Variants in B4GALT1 observed in about 807,000 individuals in gnomAD.
B4GALT1 encodes the protein beta-1,4-galactosyltransferase 1.
B4GALT1 carries 16 observed loss-of-function variants against 34.9 expected under a neutral mutation model. The ratio of observed to expected loss-of-function variants is 0.46; its 90% CI spans 0.31 to 0.70. The LOEUF (loss-of-function observed/expected upper bound fraction) is 0.70. B4GALT1 is among the 30% of genes least tolerant of loss of function. The probability of loss-of-function intolerance (pLI) is 0.05; values close to 1 mark genes in which losing one functional copy is unlikely to be tolerated. For synonymous variants in B4GALT1, 221 were observed against 218.1 expected, an observed-to-expected ratio of 1.01 and a Z score of -0.12; for missense variants, 445 against 530.5, an observed-to-expected ratio of 0.84 and a Z score of 1.58.
At chr9:33,127,516 A>G (rs1306845342) in intron 2 of B4GALT1, among the ~76,000 whole-genome samples, 1 of 152,254 alleles carries the variant, frequency 6.6e-6, no homozygotes, top group Non-Finnish European at 1.5e-5. Context: ...CCATAATCCC[A>G]CATCTGAAAA....
chr9:33,182,135 C>A, the B4GALT1 span, among the ~76,000 whole-genome samples: 3 of 152,126 alleles, frequency 2.0e-5, no homozygotes, highest in African/African-American at 7.2e-5. Context: ...AGAAAGAATT[C>A]TTTCTTGCCT....
At chr9:33,174,990 A>AATAT in the B4GALT1 span, among the ~76,000 whole-genome samples, 21 of 4,836 alleles carry the variant, frequency 4.3e-3, 4 homozygotes, top group African/African-American at 9.6e-3. Flanking sequence ...AAAAAAAAAA[A>AATAT]ATATATATAT....
upstream of B4GALT1, among the ~76,000 whole-genome samples, chr9:33,171,581 A>C (rs1383623408): frequency 1.3e-5 from 2 of 151,830 alleles, no homozygotes; most frequent in Non-Finnish European, 2.9e-5. Context: ...TTTAGACAGG[A>C]TCTTCCTTTA....
chr9:33,148,151 G>C (rs1303396900), intron 1 of B4GALT1, among the ~76,000 whole-genome samples: 1 of 151,862 alleles, frequency 6.6e-6, no homozygotes, highest in Non-Finnish European at 1.5e-5. Context: ...ATATCTTCAA[G>C]AAAAATATAA....
intron 1 of B4GALT1, among the ~76,000 whole-genome samples, chr9:33,150,857 G>A (rs943570752): frequency 1.3e-5 from 2 of 152,090 alleles, no homozygotes; most frequent in African/African-American, 4.8e-5. Context: ...GATATACCTG[G>A]GAAATAGAAG....
intron 2 of B4GALT1, among the ~76,000 whole-genome samples, chr9:33,125,774 T>C (rs1372221536): frequency 6.6e-6 from 1 of 152,108 alleles, no homozygotes; most frequent in African/African-American, 2.4e-5. Flanking sequence ...GATGACCAAC[T>C]ACAGAAAGCC....
At chr9:33,115,542 T>C (rs771404194) in intron 4 of B4GALT1, among the ~76,000 whole-genome samples, 6 of 152,104 alleles carry the variant, frequency 3.9e-5, no homozygotes, top group Non-Finnish European at 8.8e-5. Context: ...TCCTCAAAGG[T>C]TTATTATACT....
chr9:33,149,870 C>T (rs948066818), intron 1 of B4GALT1, among the ~76,000 whole-genome samples: 3 of 152,090 alleles, frequency 2.0e-5, no homozygotes, highest in Admixed American at 1.3e-4. Context: ...GTCATGAAAT[C>T]CAAAGGGCTT....
downstream of B4GALT1, among the ~76,000 whole-genome samples, chr9:33,107,043 A>G (rs1839801658): frequency 6.6e-6 from 1 of 152,070 alleles, no homozygotes; most frequent in African/African-American, 2.4e-5. Flanking sequence ...CTGCAGGGCA[A>G]ATGTCCTTGG....
intron 1 of B4GALT1, among the ~76,000 whole-genome samples, chr9:33,140,967 C>T (rs1325618899): frequency 6.6e-6 from 1 of 152,212 alleles, no homozygotes; most frequent in Non-Finnish European, 1.5e-5. Flanking sequence ...TCTAAGTCTG[C>T]AAGGGCTTCA....
In B4GALT1 at chr9:33,104,699, G is replaced by A. The variant is rs116305262; in HGVS notation, c.*53C>T. 5.2e-3 allele frequency: 2,378 copies of A among 453,462 alleles called. 46 individuals carry two copies. The highest frequency in any genetic ancestry group is 0.044 in the African/African-American group (2,178 of 49,880). 28.1% of individuals were successfully genotyped at this position (453,462 alleles called of 1,614,324 possible). A position where few individuals can be genotyped will look rare whatever the true frequency, so the allele number is the denominator to read the frequency against. Reference sequence around the variant, plus strand: ...GCTCAAATCTCCAGGAAGATGCTGGGACTAACCACCATGCGCTGCCACCTC... The same window carrying A: ...GCTCAAATCTCCAGGAAGATGCTGGAACTAACCACCATGCGCTGCCACCTC... On this transcript the variant is annotated 3_prime_UTR_variant, in exon 3 of 3. Transcript: ENST00000535206.
At position 33,112,300 on chromosome 9, in the gene B4GALT1, G is replaced by A. The variant is rs934337448; in HGVS notation, c.*1154C>T. 1.4e-4 allele frequency: 21 copies of A among 152,328 alleles called. No individual in the cohort carries two copies. Among genetic ancestry groups the A allele is most frequent in the African/African-American group, 5.1e-4 (21 of 41,458 alleles). 9.4% of individuals were successfully genotyped at this position (152,328 alleles called of 1,614,324 possible). On this transcript the variant is annotated 3_prime_UTR_variant, in exon 6 of 6. Transcript: ENST00000379731. ...TAGGGGCCTGAGGGGTCAGTCTAAG[G>A]AGGCTGAGGCTCCCTCCGCCCTGCC...
chr9:33,121,612 C>T (rs761288244), intron 2 of B4GALT1, among the ~76,000 whole-genome samples: 14 of 151,304 alleles, frequency 9.3e-5, no homozygotes, highest in African/African-American at 2.2e-4. Context: ...TCAAGTGATC[C>T]GCCTGCCTTG....
intron 2 of B4GALT1, among the ~76,000 whole-genome samples, chr9:33,121,467 A>T (rs1045616941): frequency 6.6e-6 from 1 of 150,616 alleles, no homozygotes; most frequent in African/African-American, 2.4e-5. Context: ...GATTCAAGCG[A>T]TTCTCCTGCC....
chr9:33,122,535 A>AC (rs1840036509), intron 2 of B4GALT1, among the ~76,000 whole-genome samples: 6 of 151,720 alleles, frequency 4.0e-5, no homozygotes, highest in Admixed American at 3.9e-4. Flanking sequence ...AATAAATAAA[A>AC]CCAAGACCTG....
chr9:33,161,207 G>A (rs1042793884), intron 1 of B4GALT1, among the ~76,000 whole-genome samples: 3 of 152,248 alleles, frequency 2.0e-5, no homozygotes, highest in East Asian at 1.9e-4. Flanking sequence ...GGGAAGGGGC[G>A]GGCTGAGGCC....
Position 33,166,764 on chromosome 9 carries a change from G to T in B4GALT1, c.406C>A (p.Leu136Met). The T allele has an allele frequency of 6.6e-7, 1 of 1,508,870 alleles. No homozygotes were observed. Among genetic ancestry groups the T allele is most frequent in the Non-Finnish European group, 8.8e-7 (1 of 1,135,674 alleles). 93.5% of individuals were successfully genotyped at this position (1,508,870 alleles called of 1,614,324 possible). A position where few individuals can be genotyped will look rare whatever the true frequency, so the allele number is the denominator to read the frequency against. The stretch of plus-strand genomic sequence containing the variant: ...CGCCGACCCGAGTCCTTACCAAGCA[G>T]CGGGGACTCCTCAGGGCAGGCGGGC... ...SLPACPEESP[L>M]LVGPMLIEFN... The change falls in exon 1 of 6, where the codon CTG becomes ATG. Residue 136 changes from leucine to methionine, a missense_variant. Leu to Met is a conservative substitution (Grantham distance 15). This residue lies in a region of B4GALT1 where 349 missense variants were observed against 395.5 expected (regional missense o/e 0.88). Coordinates refer to ENST00000379731, the MANE Select transcript of B4GALT1 (RefSeq NM_001497.4).
At chr9:33,135,836 G>A (rs112810505) in intron 1 of B4GALT1, among the ~76,000 whole-genome samples, 2 of 152,188 alleles carry the variant, frequency 1.3e-5, no homozygotes, top group Non-Finnish European at 1.5e-5. Context: ...TCCCAGCTGC[G>A]TGGCCTTGGA....
intron 2 of B4GALT1, among the ~76,000 whole-genome samples, chr9:33,129,231 G>A (rs1840157686): frequency 6.6e-6 from 1 of 152,140 alleles, no homozygotes; most frequent in African/African-American, 2.4e-5. Context: ...CCATAAAGGT[G>A]CTGAGTCCAA....
Sources: allele counts gnomAD v4.1 joint callset (sites outside exome capture counted in the v4.1 genomes callset), GRCh38; gene constraint gnomAD v4.1.1; regional missense constraint gnomAD v4.1.1; transcripts MANE v1.5; gene names NCBI Gene and HGNC (gene_info 2026-07-23, HGNC 2026-07-21).